Variants in TMEFF1 observed in about 807,000 individuals in gnomAD.
TMEFF1 encodes the protein transmembrane protein with EGF like and two follistatin like domains 1.
In TMEFF1, 20 loss-of-function variants were observed where a neutral mutation model predicts 47.5. The observed-to-expected ratio is 0.42, with a 90% CI of 0.30 to 0.61. The LOEUF (loss-of-function observed/expected upper bound fraction) is 0.61. TMEFF1 is among the 20% of genes least tolerant of loss of function. The probability of loss-of-function intolerance (pLI) is 0.19; values close to 1 mark genes in which losing one functional copy is unlikely to be tolerated. For synonymous variants in TMEFF1, 162 were observed against 166.3 expected (o/e 0.97, Z 0.20); for missense variants, 411 against 471.1 (o/e 0.87, Z 1.18).
At position 100,505,787 on chromosome 9, in the gene TMEFF1, C is replaced by T. The variant is rs117854150; in HGVS notation, c.307-3218C>T. ...GGCGATATTGGCACCTTTGTGAACA[C>T]AACACTACGTTAGAAAGTAAGCATT... On this transcript the variant is annotated intron_variant, in intron 2 of 9. Coordinates refer to ENST00000374879, the MANE Select transcript of TMEFF1 (RefSeq NM_003692.5). 4.6e-3 allele frequency among the ~76,000 whole-genome samples: 706 copies of T among 152,312 alleles called. 3 individuals carry two copies. Among genetic ancestry groups the T allele is most frequent in the Non-Finnish European group, 7.7e-3 (523 of 68,036 alleles).
intron 1 of TMEFF1, among the ~76,000 whole-genome samples, chr9:100,476,462 C>A (rs1051350181): frequency 6.7e-6 from 1 of 150,248 alleles, no homozygotes; most frequent in East Asian, 2.0e-4. Context: ...TGGCGCAATC[C>A]TGGCTGACTG....
chr9:100,523,720 G>C (rs1463853405), intron 5 of TMEFF1, among the ~76,000 whole-genome samples: 5 of 152,058 alleles, frequency 3.3e-5, no homozygotes, highest in African/African-American at 9.7e-5. Flanking sequence ...TTTCTATATA[G>C]GGTTAAGAAA....
chr9:100,557,785 T>A (rs1838942209), intron 7 of TMEFF1, among the ~76,000 whole-genome samples: 1 of 152,054 alleles, frequency 6.6e-6, no homozygotes, highest in Non-Finnish European at 1.5e-5. Flanking sequence ...ATATGCTGAT[T>A]TTCTAAATTG....
intron 3 of TMEFF1, among the ~76,000 whole-genome samples, chr9:100,512,651 A>G (rs1243133431): frequency 3.3e-5 from 5 of 152,180 alleles, no homozygotes; most frequent in Admixed American, 3.3e-4. Context: ...ATTTTACATT[A>G]ATTGTACTTG....
intron 2 of TMEFF1, among the ~76,000 whole-genome samples, chr9:100,503,474 T>G (rs1326392499): frequency 6.6e-6 from 1 of 151,902 alleles, no homozygotes; most frequent in Non-Finnish European, 1.5e-5. Flanking sequence ...TGTCTGCTCT[T>G]GCTAGGTGCC....
chr9:100,530,048 G>T (rs1278794343), intron 5 of TMEFF1, among the ~76,000 whole-genome samples: 1 of 151,730 alleles, frequency 6.6e-6, no homozygotes, highest in African/African-American at 2.4e-5. Context: ...AAACCAACGA[G>T]AACAAAGGCA....
At chr9:100,490,836 G>GGGGTGTGT (rs1554682718) in intron 1 of TMEFF1, among the ~76,000 whole-genome samples, 15 of 136,168 alleles carry the variant, frequency 1.1e-4, no homozygotes, top group African/African-American at 4.2e-4. Context: ...TTATATGTAT[G>GGGGTGTGT]GTGTGTGTGT....
In TMEFF1 at chr9:100,576,510, C is replaced by G. The variant is rs765838434; in HGVS notation, c.1059-6C>G. 4.4e-6 allele frequency: 7 copies of G among 1,604,434 alleles called. No homozygotes were observed. Among genetic ancestry groups the G allele is most frequent in the Non-Finnish European group, 5.9e-6 (7 of 1,177,518 alleles). Reference sequence around the variant, plus strand: ...TTTTTCTCTCTTTCTTTTTTTAATGCAACAGAAAATGCCCCAAAAACAATA... The same window carrying G: ...TTTTTCTCTCTTTCTTTTTTTAATGGAACAGAAAATGCCCCAAAAACAATA... On this transcript the variant is annotated splice_polypyrimidine_tract_variant and splice_region_variant and intron_variant, in intron 9 of 9. Coordinates refer to ENST00000374879, the MANE Select transcript of TMEFF1 (RefSeq NM_003692.5).
At chr9:100,532,165 C>G (rs1243677452) in intron 5 of TMEFF1, among the ~76,000 whole-genome samples, 2 of 151,938 alleles carry the variant, frequency 1.3e-5, no homozygotes, top group Admixed American at 6.6e-5. Context: ...CATTACCATT[C>G]AGGACATAGG....
intron 5 of TMEFF1, among the ~76,000 whole-genome samples, chr9:100,524,726 A>C (rs1838224461): frequency 6.6e-6 from 1 of 152,152 alleles, no homozygotes; most frequent in Non-Finnish European, 1.5e-5. Flanking sequence ...AGGGGAGAGC[A>C]GGAACTTCAT....
chr9:100,473,527 C>G lies in TMEFF1; in HGVS notation c.-18C>G. 3.5e-6 allele frequency: 5 copies of G among 1,414,714 alleles called. No homozygotes were observed. In the Admixed American group the frequency reaches 9.0e-5, roughly 25 times the overall value. The allele number at this position is 1,414,714 out of a possible 1,614,324, so 87.6% of individuals were successfully genotyped here. Reference sequence around the variant, plus strand: ...GCCTGCGGCTCCCTGCGCTTCCCGCCGTCCAGGGGCACCAGTCATGGGCGC... The same window carrying G: ...GCCTGCGGCTCCCTGCGCTTCCCGCGGTCCAGGGGCACCAGTCATGGGCGC... On this transcript the variant is annotated 5_prime_UTR_variant, in exon 1 of 10. Transcript: ENST00000374879. This position sits in a 1 kb window ranked among gnomAD's most constrained non-coding sequence, Gnocchi z 5.4.
chr9:100,473,618 C>G lies in TMEFF1; in HGVS notation c.74C>G (p.Ser25Trp). 2 of 1,560,078 alleles carry G rather than the reference C, an allele frequency of 1.3e-6. No homozygotes were observed. The highest frequency in any genetic ancestry group is 1.7e-6 in the Non-Finnish European group (2 of 1,153,602). ...APPLAFCCYT[S>W]VLLLFAFSLP... ...CCGCTCGCCTTCTGCTGCTACACGTCGGTGCTTCTGCTCTTCGCCTTCTCT... is the reference window on the plus strand; with the variant it reads ...CCGCTCGCCTTCTGCTGCTACACGTGGGTGCTTCTGCTCTTCGCCTTCTCT... The change falls in exon 1 of 10, where the codon TCG becomes TGG. Residue 25 changes from serine (S) to tryptophan (W), a missense_variant. Ser to Trp is a radical substitution (Grantham distance 177, BLOSUM62 -3). Coordinates refer to ENST00000374879, the MANE Select transcript of TMEFF1 (RefSeq NM_003692.5). The surrounding 1 kb of genome is among the most constrained non-coding windows in gnomAD (Gnocchi z 5.4).
chr9:100,562,316 T>C (rs1256984705), intron 8 of TMEFF1, among the ~76,000 whole-genome samples: 2 of 152,130 alleles, frequency 1.3e-5, no homozygotes, highest in Non-Finnish European at 2.9e-5. Context: ...TTTTGTTTGG[T>C]CCACCTAGAA....
At chr9:100,526,789 C>G (rs1236766825) in intron 5 of TMEFF1, among the ~76,000 whole-genome samples, 1 of 150,726 alleles carries the variant, frequency 6.6e-6, no homozygotes, top group African/African-American at 2.4e-5. Flanking sequence ...GTGTTTTTTT[C>G]TAGTCTCTGG....
intron 8 of TMEFF1, 126 bp downstream of exon 8, chr9:100,561,646 A>G: frequency 7.5e-7 from 1 of 1,335,330 alleles, no homozygotes; most frequent in Non-Finnish European, 9.6e-7. Context: ...TAGACAAGTA[A>G]AAAACAAATC....
chr9:100,488,893 A>G (rs1329646403), intron 1 of TMEFF1, among the ~76,000 whole-genome samples: 14 of 152,154 alleles, frequency 9.2e-5, no homozygotes, highest in Admixed American at 8.5e-4. Context: ...TGATTTAAAA[A>G]TTATTTCTAT....
At chr9:100,521,883 C>G (rs1403800859) in intron 5 of TMEFF1, among the ~76,000 whole-genome samples, 1 of 152,156 alleles carries the variant, frequency 6.6e-6, no homozygotes, top group Non-Finnish European at 1.5e-5. Flanking sequence ...ATTTATCCCC[C>G]TGAGTGATAT....
chr9:100,502,125 C>T (rs1306934808), intron 2 of TMEFF1, among the ~76,000 whole-genome samples: 1 of 152,032 alleles, frequency 6.6e-6, no homozygotes, highest in East Asian at 1.9e-4. Flanking sequence ...GTTTAATTCC[C>T]CTTTTAAATA....
chr9:100,541,656 A>G (rs1354391998), intron 5 of TMEFF1, among the ~76,000 whole-genome samples: 5 of 152,078 alleles, frequency 3.3e-5, no homozygotes. Flanking sequence ...GATTACAGGT[A>G]TGAGCCACCA....
Sources: allele counts gnomAD v4.1 joint callset (sites outside exome capture counted in the v4.1 genomes callset), GRCh38; gene constraint gnomAD v4.1.1; non-coding constraint Gnocchi (gnomAD v3.1); transcripts MANE v1.5; gene names NCBI Gene and HGNC (gene_info 2026-07-23, HGNC 2026-07-21).